The following PTPRG variants were observed in gnomAD, a reference collection of about 807,000 sequenced individuals.
The protein encoded by PTPRG is receptor-type tyrosine-protein phosphatase gamma.
Under a neutral mutation model 165.3 loss-of-function variants are expected in PTPRG, and 102 were observed. The observed-to-expected ratio is 0.62, with a 90% CI of 0.53 to 0.73. The LOEUF is 0.73. Among genes scored for constraint, PTPRG ranks in the 30% least tolerant of loss-of-function variants. The probability of loss-of-function intolerance (pLI) is 0.00; values close to 1 mark genes in which losing one functional copy is unlikely to be tolerated. For missense variants in PTPRG, 1,866 were observed against 1,861.4 expected (o/e 1.00, Z -0.05); for synonymous variants, 675 against 669.5 (o/e 1.01, Z -0.13).
At chr3:62,119,452 C>T (rs1046367951) in intron 5 of PTPRG, among the ~76,000 whole-genome samples, 1 of 152,130 alleles carries the variant, frequency 6.6e-6, no homozygotes, top group Non-Finnish European at 1.5e-5. Context: ...CGGGCAAAGG[C>T]CTAGAGGCAG....
intron 1 of PTPRG, among the ~76,000 whole-genome samples, chr3:61,691,142 G>A (rs1382735075): frequency 1.3e-5 from 2 of 152,198 alleles, no homozygotes; most frequent in East Asian, 1.9e-4. Flanking sequence ...TTTGGGCACA[G>A]TGCCTCATGC....
chr3:61,993,849 A>T (rs942175749), intron 3 of PTPRG, among the ~76,000 whole-genome samples: 2 of 152,220 alleles, frequency 1.3e-5, no homozygotes, highest in African/African-American at 4.8e-5. Context: ...GTATATTAAA[A>T]TATGAATATA....
chr3:62,291,878 T>G (rs371118615), intron 28 of PTPRG, among the ~76,000 whole-genome samples: 1 of 152,320 alleles, frequency 6.6e-6, no homozygotes. Context: ...TCATAGAAAG[T>G]GCTCTCATTA....
chr3:61,588,821 C>T (rs909447405), intron 1 of PTPRG, among the ~76,000 whole-genome samples: 1 of 152,096 alleles, frequency 6.6e-6, no homozygotes, highest in East Asian at 1.9e-4. Context: ...TATATGCATC[C>T]GTGTATATGT....
intron 1 of PTPRG, among the ~76,000 whole-genome samples, chr3:61,631,807 T>C (rs1701781219): frequency 6.6e-6 from 1 of 152,174 alleles, no homozygotes; most frequent in South Asian, 2.1e-4. Context: ...CCTTATTTTT[T>C]TTGTGATGTA....
At chr3:61,926,312 G>A (rs1330027766) in intron 2 of PTPRG, among the ~76,000 whole-genome samples, 1 of 151,970 alleles carries the variant, frequency 6.6e-6, no homozygotes, top group Non-Finnish European at 1.5e-5. Context: ...GAATGGTTTA[G>A]CACCATCCCC....
At chr3:61,584,964 A>G (rs545888317) in intron 1 of PTPRG, among the ~76,000 whole-genome samples, 13 of 152,326 alleles carry the variant, frequency 8.5e-5, no homozygotes, top group African/African-American at 2.9e-4. Flanking sequence ...TTATTGAAGT[A>G]TAGCAAATGT....
intron 4 of PTPRG, among the ~76,000 whole-genome samples, chr3:62,051,645 C>T (rs768278844): frequency 2.0e-5 from 3 of 152,076 alleles, no homozygotes; most frequent in African/African-American, 4.8e-5. Flanking sequence ...AATTCTGATA[C>T]GTGATAAAAT....
At chr3:61,595,342 T>C (rs7634936) in intron 1 of PTPRG, among the ~76,000 whole-genome samples, 2 of 152,212 alleles carry the variant, frequency 1.3e-5, no homozygotes, top group Admixed American at 6.5e-5. Flanking sequence ...ACGTAGCTGC[T>C]CAAAGTTAAT....
At chr3:61,633,855 T>C (rs1701831393) in intron 1 of PTPRG, among the ~76,000 whole-genome samples, 2 of 152,130 alleles carry the variant, frequency 1.3e-5, no homozygotes, top group Admixed American at 6.5e-5. Context: ...ATACCCTTTT[T>C]CAGGTTGAGG....
chr3:61,921,827 G>T (rs1369805914), intron 2 of PTPRG, among the ~76,000 whole-genome samples: 4 of 151,746 alleles, frequency 2.6e-5, no homozygotes, highest in African/African-American at 9.7e-5. Context: ...TTAGGAAATT[G>T]TTTTTTTTCT....
At chr3:61,614,507 T>G (rs1337970989) in intron 1 of PTPRG, among the ~76,000 whole-genome samples, 4 of 144,834 alleles carry the variant, frequency 2.8e-5, no homozygotes, top group Non-Finnish European at 6.0e-5. Flanking sequence ...CTTCTGGGGC[T>G]CAAGTGATCC....
At chr3:61,942,495 A>G (rs1395802050) in intron 2 of PTPRG, among the ~76,000 whole-genome samples, 4 of 152,222 alleles carry the variant, frequency 2.6e-5, no homozygotes, top group Non-Finnish European at 4.4e-5. Flanking sequence ...TTTAGGTTCA[A>G]CAAATATTTA....
At chr3:62,082,966 C>T (rs911532525) in intron 5 of PTPRG, among the ~76,000 whole-genome samples, 10 of 151,950 alleles carry the variant, frequency 6.6e-5, no homozygotes, top group African/African-American at 2.4e-4. Context: ...TGTTCCCTAT[C>T]GAAAGCATAG....
chr3:62,039,974 T>C (rs1458958525), intron 4 of PTPRG, among the ~76,000 whole-genome samples: 2 of 152,250 alleles, frequency 1.3e-5, no homozygotes, highest in Non-Finnish European at 2.9e-5. Flanking sequence ...TAAATAGATT[T>C]AATAAGAAAT....
At chr3:62,275,350 A>C (rs1356465635) in intron 23 of PTPRG, among the ~76,000 whole-genome samples, 1 of 64 alleles carries the variant, frequency 0.016, no homozygotes, top group African/African-American at 0.17. Flanking sequence ...CTTTTATGCC[A>C]GTGAGGATCA....
chr3:61,935,691 C>CTT lies in PTPRG; in HGVS notation c.191-53922_191-53921dup, dbSNP rs58158573. Among the ~76,000 whole-genome samples, 69 of 139,166 alleles carry CTT rather than the reference C, an allele frequency of 5.0e-4. No individual in the cohort carries two copies. The South Asian group carries it at 0.013, about 25-fold the overall frequency. The allele number at this position is 139,166 out of a possible 152,430, so 91.3% of individuals were successfully genotyped here. ...TATTCTTATTCTCGGAGTCCCTTACCTTTTTTTTTTTTTAATGTTGTAATT... is the reference window on the plus strand; with the variant it reads ...TATTCTTATTCTCGGAGTCCCTTACCTTTTTTTTTTTTTTTAATGTTGTAATT... On this transcript the variant is annotated intron_variant, in intron 2 of 29. Coordinates refer to ENST00000474889, the MANE Select transcript of PTPRG (RefSeq NM_002841.4).
chr3:62,230,119 A>G (rs1700860059), intron 13 of PTPRG, among the ~76,000 whole-genome samples: 2 of 152,190 alleles, frequency 1.3e-5, no homozygotes, highest in African/African-American at 4.8e-5. Flanking sequence ...GTGTTACAGC[A>G]ATCCCTCCCC....
At chr3:62,266,451 C>T (rs1294990078) in intron 17 of PTPRG, among the ~76,000 whole-genome samples, 2 of 152,126 alleles carry the variant, frequency 1.3e-5, no homozygotes, top group East Asian at 1.9e-4. Flanking sequence ...TTAATGACTA[C>T]TAAGGCATAA....
Sources: allele counts gnomAD v4.1 joint callset (sites outside exome capture counted in the v4.1 genomes callset), GRCh38; gene constraint gnomAD v4.1.1; transcripts MANE v1.5; gene names NCBI Gene and HGNC (gene_info 2026-07-23, HGNC 2026-07-21).